TEX11: variants seen among roughly 807,000 people sequenced by gnomAD.
TEX11 encodes testis expressed 11.
In TEX11, 7 loss-of-function variants were observed where a neutral mutation model predicts 84.4. That is an observed-to-expected ratio of 0.08 (90% confidence interval 0.05 to 0.16). The LOEUF (loss-of-function observed/expected upper bound fraction) is 0.16. Ranked by LOEUF, TEX11 falls within the 10% of genes least tolerant of loss-of-function variation. The pLI is 1.00. For synonymous variants in TEX11, 264 were observed against 222.8 expected (o/e 1.18, Z -1.64); for missense variants, 551 against 660.5 (o/e 0.83, Z 1.82).
intron 15 of TEX11, among the ~76,000 whole-genome samples, chrX:70,671,832 C>A (rs1350805913): frequency 9.9e-6 from 1 of 100,538 alleles, no homozygotes; most frequent in Non-Finnish European, 2.0e-5. Context: ...TATTGAGGTA[C>A]AATTGACATA....
At chrX:70,564,401 A>C (rs2088423625) in intron 25 of TEX11, among the ~76,000 whole-genome samples, 1 of 110,450 alleles carries the variant, frequency 9.1e-6, no homozygotes, top group African/African-American at 3.3e-5. Context: ...CTTTCTTTTT[A>C]TTTTATTTTA....
chrX:70,529,848 C>T lies in TEX11; in HGVS notation c.2672G>A (p.Ser891Asn). The T allele has an allele frequency of 1.4e-5, 17 of 1,209,492 alleles. No individual in the cohort carries two copies. The highest frequency in any genetic ancestry group is 1.8e-5 in the Non-Finnish European group (16 of 894,470). The change falls in exon 29 of 30, where the codon AGC (serine) becomes AAC (asparagine). Residue 891 changes from serine (S) to asparagine (N), a missense_variant. Transcript: ENST00000374333. Reference sequence around the variant, plus strand: ...CTCCCTCCTTACCTGAGTTTCATAGCTTTCCTTGAAGGAGGTAAGGTGGTT... The same window carrying T: ...CTCCCTCCTTACCTGAGTTTCATAGTTTTCCTTGAAGGAGGTAAGGTGGTT... ...FLNHLTSFKESYETQMNMLYS... is the reference protein window; with the variant it reads ...FLNHLTSFKENYETQMNMLYS...
At chrX:70,894,115 C>T (rs979323150) in intron 2 of TEX11, among the ~76,000 whole-genome samples, 1 of 110,362 alleles carries the variant, frequency 9.1e-6, no homozygotes, top group East Asian at 2.8e-4. Context: ...CAGGACCAGA[C>T]AGATTCACAG....
rs2089202025 is a variant in TEX11 at position 70,606,963 on chromosome X, T to A, written c.1946A>T (p.Tyr649Phe). 8.4e-7 allele frequency: 1 copy of A among 1,185,181 alleles called. No individual in the cohort carries two copies. Among genetic ancestry groups the A allele is most frequent in the African/African-American group, 1.8e-5 (1 of 56,837 alleles). ...VMMREFFILSYKMSQFCPSDQ... is the reference protein window; with the variant it reads ...VMMREFFILSFKMSQFCPSDQ... ...TACTTATTAAAAGAAACTTACCTTA[T>A]AAGAAAGTATAAAAAACTCTCTCAT... The change falls in exon 23 of 30, where the codon TAT (tyrosine) becomes TTT (phenylalanine). Residue 649 changes from tyrosine to phenylalanine, a missense_variant. Physicochemically the swap from Tyr to Phe is conservative, Grantham distance 22. Coordinates refer to ENST00000374333, the MANE Select transcript of TEX11 (RefSeq NM_031276.3).
rs753860578 is a variant in TEX11, at chrX:70,839,123, T to G, written c.526-5530A>C. Reference sequence around the variant, plus strand: ...CTATGCAGACTTAAATGTCCCTCTCTGACAGCTTTGAAGAGAGTAGTGGTT... The same window carrying G: ...CTATGCAGACTTAAATGTCCCTCTCGGACAGCTTTGAAGAGAGTAGTGGTT... On this transcript the variant is annotated intron_variant, in intron 7 of 29. Transcript: ENST00000374333. 2.7e-5 allele frequency among the ~76,000 whole-genome samples: 3 copies of G among 112,393 alleles called. No homozygotes were observed. In the South Asian group the frequency reaches 1.1e-3, roughly 41 times the overall value.
chrX:70,686,637 G>A (rs1394872458), intron 13 of TEX11, among the ~76,000 whole-genome samples: 1 of 108,724 alleles, frequency 9.2e-6, no homozygotes, highest in Non-Finnish European at 1.9e-5. Context: ...AACCACCATG[G>A]CACACATATA....
the TEX11 span, among the ~76,000 whole-genome samples, chrX:70,523,743 G>C: frequency 7.1e-4 from 76 of 106,506 alleles, no homozygotes; most frequent in Admixed American, 3.0e-3. Context: ...GGATTACAGG[G>C]GTGAGCCACT....
At chrX:70,578,473 A>G (rs1025917552) in intron 25 of TEX11, among the ~76,000 whole-genome samples, 4 of 111,875 alleles carry the variant, frequency 3.6e-5, no homozygotes, top group African/African-American at 9.7e-5. Flanking sequence ...GGGAAGGTGA[A>G]CACTGTAATA....
chrX:70,678,414 T>TA (rs1569396989), intron 15 of TEX11, among the ~76,000 whole-genome samples: 1 of 110,303 alleles, frequency 9.1e-6, no homozygotes, highest in East Asian at 2.8e-4. Context: ...TTCTTTGCTT[T>TA]AAAAAAACTT....
At chrX:70,792,988 A>G (rs758898016) in intron 9 of TEX11, among the ~76,000 whole-genome samples, 1 of 111,799 alleles carries the variant, frequency 8.9e-6, no homozygotes, top group South Asian at 3.8e-4. Context: ...TAAAAAGTTA[A>G]TTCACCACGA....
intron 9 of TEX11, among the ~76,000 whole-genome samples, chrX:70,790,519 A>C (rs1373643079): frequency 8.9e-6 from 1 of 112,191 alleles, no homozygotes; most frequent in African/African-American, 3.2e-5. Flanking sequence ...AAATGCCAGG[A>C]GAGTAGACAG....
intron 16 of TEX11, among the ~76,000 whole-genome samples, chrX:70,654,709 C>CAAAAAAAAA (rs56822297): frequency 2.7e-5 from 1 of 37,627 alleles, no homozygotes; most frequent in African/African-American, 1.2e-4. Context: ...GACTCTGTCT[C>CAAAAAAAAA]AAAAAAAAAA....
At chrX:70,637,946 A>C (rs1359263563) in intron 17 of TEX11, among the ~76,000 whole-genome samples, 1 of 110,943 alleles carries the variant, frequency 9.0e-6, no homozygotes, top group Non-Finnish European at 1.9e-5. Flanking sequence ...AAAAAATAAC[A>C]TTAAAAAAAG....
intron 9 of TEX11, among the ~76,000 whole-genome samples, chrX:70,748,583 G>C (rs2090786284): frequency 9.2e-6 from 1 of 108,961 alleles, no homozygotes; most frequent in Admixed American, 9.9e-5. Context: ...AATCCATCTT[G>C]AATTGATTTT....
intron 9 of TEX11, among the ~76,000 whole-genome samples, chrX:70,781,582 G>A (rs907977334): frequency 1.8e-5 from 2 of 111,343 alleles, no homozygotes; most frequent in African/African-American, 6.5e-5. Context: ...AAGGTTAGTC[G>A]GATGGCTAAC....
At chrX:70,721,024 A>G (rs2090555181) in intron 13 of TEX11, among the ~76,000 whole-genome samples, 1 of 110,769 alleles carries the variant, frequency 9.0e-6, no homozygotes, top group African/African-American at 3.3e-5. Context: ...TAGCTATGCA[A>G]TTGTGGGCAA....
chrX:70,726,819 C>T (rs2090603323), intron 11 of TEX11, among the ~76,000 whole-genome samples: 1 of 108,776 alleles, frequency 9.2e-6, no homozygotes, highest in Non-Finnish European at 1.9e-5. Flanking sequence ...GCATGAGCCA[C>T]CAGGCCTGGC....
At chrX:70,760,513 A>G (rs1212253891) in intron 9 of TEX11, among the ~76,000 whole-genome samples, 2 of 111,985 alleles carry the variant, frequency 1.8e-5, no homozygotes, top group African/African-American at 3.2e-5. Flanking sequence ...TGGGGAAAGG[A>G]TTCCCTATTT....
At chrX:70,768,525 G>A (rs899162159) in intron 9 of TEX11, among the ~76,000 whole-genome samples, 5 of 110,101 alleles carry the variant, frequency 4.5e-5, no homozygotes, top group East Asian at 2.8e-4. Context: ...GGGAGGCCTC[G>A]GGAAACATAC....
Sources: allele counts gnomAD v4.1 joint callset (sites outside exome capture counted in the v4.1 genomes callset), GRCh38; gene constraint gnomAD v4.1.1; transcripts MANE v1.5; gene names NCBI Gene and HGNC (gene_info 2026-07-23, HGNC 2026-07-21).